Variants in AOAH observed in about 807,000 individuals in gnomAD.
AOAH encodes the protein acyloxyacyl hydrolase.
A neutral mutation model predicts 92.2 loss-of-function variants in AOAH; 64 were observed. The ratio of observed to expected loss-of-function variants is 0.69; its 90% CI spans 0.57 to 0.86. The LOEUF (loss-of-function observed/expected upper bound fraction) is 0.86, where lower values mean the gene tolerates loss of function less well. AOAH is among the 40% of genes least tolerant of loss of function. AOAH has a pLI of 0.00. For synonymous variants in AOAH, 263 were observed against 254.5 expected (o/e 1.03, Z -0.32); for missense variants, 656 against 694.6 (o/e 0.94, Z 0.62).
intron 11 of AOAH, among the ~76,000 whole-genome samples, chr7:36,606,348 G>A (rs1307698960): frequency 6.6e-6 from 1 of 152,134 alleles, no homozygotes; most frequent in African/African-American, 2.4e-5. Flanking sequence ...CTTGAGAGAT[G>A]GGAGCCGCTT....
rs1793634533 is a variant in AOAH at position 36,637,899 on chromosome 7, T to C, written c.402A>G (p.Lys134=). 6.2e-7 allele frequency: 1 copy of C among 1,613,714 alleles called. No homozygotes were observed. Among genetic ancestry groups the C allele is most frequent in the Non-Finnish European group, 8.5e-7 (1 of 1,179,596 alleles). ...TTTGTCTTGCCTTCTGTAGTGTAAA[T>C]TTCCATGTCTCCTATAAAAACAAAG... is the stretch of plus-strand genomic sequence containing the variant. ...HLYPLPKETW[K]FTLQKARQIV... Residue 134 remains lysine, a synonymous_variant, in exon 5 of 21, where the codon AAA becomes AAG. Coordinates refer to ENST00000617537, the MANE Select transcript of AOAH (RefSeq NM_001637.4).
chr7:36,684,851 G>T (rs1360180460), intron 2 of AOAH, among the ~76,000 whole-genome samples: 1 of 135,330 alleles, frequency 7.4e-6, no homozygotes, highest in Non-Finnish European at 1.5e-5. Flanking sequence ...ATGAGCCCGG[G>T]AGGTCAAGGC....
chr7:36,632,833 G>A (rs1446760196), intron 5 of AOAH, among the ~76,000 whole-genome samples: 2 of 152,208 alleles, frequency 1.3e-5, no homozygotes, highest in African/African-American at 2.4e-5. Context: ...GGGCATTGGC[G>A]ATATTTGACC....
chr7:36,675,410 T>C lies in AOAH; in HGVS notation c.224-1401A>G, dbSNP rs563768034. On this transcript the variant is annotated intron_variant, in intron 2 of 20. Coordinates refer to ENST00000617537, the MANE Select transcript of AOAH (RefSeq NM_001637.4). The stretch of plus-strand genomic sequence containing the variant: ...TAGGTAACTTAGATAAAATAAAAAA[T>C]TCTTAGAAAGACACATAATGCCCAA... Among the ~76,000 whole-genome samples, 55 of 152,246 alleles carry C rather than the reference T, an allele frequency of 3.6e-4. No homozygotes were observed. The South Asian group carries it at 0.011, about 31-fold the overall frequency.
intron 1 of AOAH, among the ~76,000 whole-genome samples, chr7:36,694,281 G>A (rs56258164): frequency 0.15 from 23,195 of 152,168 alleles, 2,119 homozygotes; most frequent in South Asian, 0.24. Context: ...CGGATCACCT[G>A]AGGTCAGGAG....
chr7:36,708,203 A>T (rs948581192), intron 1 of AOAH, among the ~76,000 whole-genome samples: 1 of 152,062 alleles, frequency 6.6e-6, no homozygotes, highest in Admixed American at 6.6e-5. Context: ...AGTATACTAC[A>T]TGTTTCTGAG....
intron 3 of AOAH, among the ~76,000 whole-genome samples, chr7:36,668,273 T>C (rs1295309787): frequency 1.3e-5 from 2 of 152,162 alleles, no homozygotes; most frequent in Non-Finnish European, 2.9e-5. Context: ...AAAGAGTGGG[T>C]GGGCACACCC....
At chr7:36,707,593 A>G (rs545794225) in intron 1 of AOAH, among the ~76,000 whole-genome samples, 25 of 152,298 alleles carry the variant, frequency 1.6e-4, no homozygotes, top group African/African-American at 6.0e-4. Context: ...GAAGCACAAT[A>G]AAAAGAAGTG....
intron 16 of AOAH, among the ~76,000 whole-genome samples, chr7:36,536,747 G>A (rs1296795477): frequency 2.6e-5 from 4 of 151,872 alleles, no homozygotes; most frequent in South Asian, 4.2e-4. Context: ...TCAGGAGATC[G>A]AGACCAGCCT....
chr7:36,712,169 CA>C (rs1190666485), intron 1 of AOAH, among the ~76,000 whole-genome samples: 3 of 152,184 alleles, frequency 2.0e-5, no homozygotes, highest in African/African-American at 7.2e-5. Context: ...CTATTCTTGT[CA>C]GTGACACTGT....
chr7:36,518,763 G>T (rs986526405), intron 20 of AOAH, among the ~76,000 whole-genome samples: 7 of 152,228 alleles, frequency 4.6e-5, no homozygotes, highest in Non-Finnish European at 1.0e-4. Flanking sequence ...AGTAAAGCCA[G>T]AAGCGGTTTC....
chr7:36,600,232 C>T (rs1458100466), intron 11 of AOAH: 1 of 152,276 alleles, frequency 6.6e-6, no homozygotes, highest in Non-Finnish European at 1.5e-5. Context: ...TCCCTCTCTC[C>T]CTTCTACAAA....
intron 4 of AOAH, among the ~76,000 whole-genome samples, chr7:36,640,187 C>T (rs1793808242): frequency 6.6e-6 from 1 of 151,964 alleles, no homozygotes; most frequent in Non-Finnish European, 1.5e-5. Context: ...GGAGTCGAAG[C>T]GTCCAAGAGT....
intron 13 of AOAH, among the ~76,000 whole-genome samples, chr7:36,553,728 T>C (rs971701235): frequency 6.6e-6 from 1 of 152,110 alleles, no homozygotes; most frequent in Non-Finnish European, 1.5e-5. Flanking sequence ...TGCATTTCTC[T>C]GATGGTCAGT....
At chr7:36,650,567 TGCA>T (rs762886234) in intron 4 of AOAH, among the ~76,000 whole-genome samples, 1 of 152,172 alleles carries the variant, frequency 6.6e-6, no homozygotes, top group Non-Finnish European at 1.5e-5. Context: ...GTTATGCAAA[TGCA>T]GATGCTCAAA....
chr7:36,591,431 G>C (rs1223362990), intron 12 of AOAH, among the ~76,000 whole-genome samples: 1 of 152,204 alleles, frequency 6.6e-6, no homozygotes, highest in Non-Finnish European at 1.5e-5. Context: ...GCTCAGGATA[G>C]AGATGGTTTT....
chr7:36,669,548 A>G (rs1373422215), intron 3 of AOAH, among the ~76,000 whole-genome samples: 1 of 151,826 alleles, frequency 6.6e-6, no homozygotes, highest in Non-Finnish European at 1.5e-5. Flanking sequence ...ATGCCTGGCT[A>G]ATTTTTATAG....
intron 11 of AOAH, among the ~76,000 whole-genome samples, chr7:36,596,119 TTAGAAATGCAAACATTATAGTCA>T (rs1790092948): frequency 6.6e-6 from 1 of 152,156 alleles, no homozygotes. Context: ...TGGGTTTGTT[TTAGAAATGCAAACATTATAGTCA>T]TTTACAATGC....
chr7:36,636,565 A>C (rs1481748752), intron 5 of AOAH, among the ~76,000 whole-genome samples: 1 of 152,364 alleles, frequency 6.6e-6, no homozygotes, highest in East Asian at 1.9e-4. Flanking sequence ...CAACTTAAGC[A>C]AATTAGCTCA....
Sources: allele counts gnomAD v4.1 joint callset (sites outside exome capture counted in the v4.1 genomes callset), GRCh38; gene constraint gnomAD v4.1.1; transcripts MANE v1.5; gene names NCBI Gene and HGNC (gene_info 2026-07-23, HGNC 2026-07-21).